The following SETD1A variants were observed in gnomAD, a reference collection of about 807,000 sequenced individuals.
SETD1A encodes the protein SET domain containing 1A, histone lysine methyltransferase.
SETD1A carries 29 observed loss-of-function variants against 149.9 expected under a neutral mutation model. That is an observed-to-expected ratio of 0.19 (90% CI 0.14 to 0.26). The LOEUF is 0.26. SETD1A is among the 10% of genes least tolerant of loss of function. The probability of loss-of-function intolerance (pLI) is 1.00; values close to 1 mark genes in which losing one functional copy is unlikely to be tolerated. For synonymous variants in SETD1A, 1,141 were observed against 968.5 expected (o/e 1.18, Z -3.31); for missense variants, 2,109 against 2,353.1 (o/e 0.90, Z 2.15).
At chr16:30,969,070 T>C (rs1030226451) in intron 10 of SETD1A, among the ~76,000 whole-genome samples, 10 of 152,174 alleles carry the variant, frequency 6.6e-5, no homozygotes, top group Non-Finnish European at 1.0e-4. Flanking sequence ...GTCATGCCAC[T>C]GCACCCCAGC....
chr16:30,982,937 G>T (rs957698448), intron 17 of SETD1A, among the ~76,000 whole-genome samples: 9 of 152,174 alleles, frequency 5.9e-5, no homozygotes, highest in African/African-American at 2.2e-4. Flanking sequence ...ACAAATATAT[G>T]GTCAAGATGA....
At chr16:30,972,741 C>T (rs2056240711) in intron 13 of SETD1A, among the ~76,000 whole-genome samples, 1 of 151,294 alleles carries the variant, frequency 6.6e-6, no homozygotes, top group African/African-American at 2.4e-5. Context: ...GTGATCCCAG[C>T]TGCTCGGGAG....
Position 30,961,618 on chromosome 16 carries a change from C to T in SETD1A, c.517+81C>T, listed in dbSNP as rs768433252. ...CAAATGCCTGTCAGGGTCAGGCAGGCGCCCAGGGTCATGATCTGAAACTGC... is the reference window on the plus strand; with the variant it reads ...CAAATGCCTGTCAGGGTCAGGCAGGTGCCCAGGGTCATGATCTGAAACTGC... On this transcript the variant is annotated intron_variant, in intron 4 of 18. Coordinates refer to ENST00000262519, the MANE Select transcript of SETD1A (RefSeq NM_014712.3). The surrounding 1 kb of genome is among the most constrained non-coding windows in gnomAD (Gnocchi z 4.0). 29 of 1,353,366 alleles carry T rather than the reference C, an allele frequency of 2.1e-5. No homozygotes were observed. The Admixed American group carries it at 3.2e-4, about 15-fold the overall frequency. The allele number at this position is 1,353,366 out of a possible 1,614,324, so 83.8% of individuals were successfully genotyped here. A position where few individuals can be genotyped will look rare whatever the true frequency, so the allele number is the denominator to read the frequency against.
At position 30,971,554 on chromosome 16, in the gene SETD1A, G is replaced by A; in HGVS notation, c.3193G>A (p.Glu1065Lys). The change falls in exon 13 of 19, where the codon GAA (glutamate) becomes AAA (lysine). Residue 1065 changes from glutamate (E) to lysine (K), a missense_variant. Coordinates refer to ENST00000262519, the MANE Select transcript of SETD1A (RefSeq NM_014712.3). ...SSSSESSSED[E>K]EEEERPAALP... Reference sequence around the variant, plus strand: ...ATCCTCTGAGTCCTCCTCTGAAGATGAAGAGGAAGAGGAGCGGCCAGCAGC... The same window carrying A: ...ATCCTCTGAGTCCTCCTCTGAAGATAAAGAGGAAGAGGAGCGGCCAGCAGC... 1 of 1,613,828 alleles carries A rather than the reference G, an allele frequency of 6.2e-7. No individual in the cohort carries two copies.
At position 30,959,137 on chromosome 16, in the gene SETD1A, A is replaced by G. The variant is rs773671989; in HGVS notation, c.197A>G (p.His66Arg). Reference sequence around the variant, plus strand: ...GAAGACCTCCAAGACCCCCGTTGCCATGTCAGGTCCAAAAACAGAGACTTT... The same window carrying G: ...GAAGACCTCCAAGACCCCCGTTGCCGTGTCAGGTCCAAAAACAGAGACTTT... ...PVEDLQDPRCHVRSKNRDFSL... is the reference protein window; with the variant it reads ...PVEDLQDPRCRVRSKNRDFSL... The change falls in exon 3 of 19, where the codon CAT becomes CGT. Residue 66 changes from histidine (H) to arginine (R), a missense_variant. Physicochemically the swap from His to Arg is conservative, Grantham distance 29 (BLOSUM62 0). Coordinates refer to ENST00000262519, the MANE Select transcript of SETD1A (RefSeq NM_014712.3). The G allele has an allele frequency of 5.0e-6, 8 of 1,613,820 alleles. No homozygotes were observed. Among genetic ancestry groups the G allele is most frequent in the Non-Finnish European group, 5.9e-6 (7 of 1,179,856 alleles).
At chr16:30,970,758 GT>G (rs970916436) in intron 12 of SETD1A, among the ~76,000 whole-genome samples, 2 of 152,136 alleles carry the variant, frequency 1.3e-5, no homozygotes, top group Non-Finnish European at 2.9e-5. Flanking sequence ...ACCATGGGCC[GT>G]TTATCTCCTG....
rs199650605 is a variant in SETD1A at position 30,969,479 on chromosome 16, C to T, written c.2928+17C>T. On this transcript the variant is annotated intron_variant, in intron 11 of 18. Transcript: ENST00000262519. ...TCGGAGAAGGTGAGGGCCCGGGCGC[C>T]GGCTCCTGGCCGAAGCCTACTTCCC... 1.1e-5 allele frequency: 17 copies of T among 1,601,676 alleles called. No homozygotes were observed. Among genetic ancestry groups the T allele is most frequent in the East Asian group, 4.5e-5 (2 of 44,372 alleles).
chr16:30,959,610 A>T (rs909266259), intron 3 of SETD1A, among the ~76,000 whole-genome samples: 6 of 151,574 alleles, frequency 4.0e-5, no homozygotes, highest in African/African-American at 1.2e-4. Flanking sequence ...TCCTTCGAGG[A>T]CTCCTATTCT....
chr16:30,965,867 C>T lies in SETD1A; in HGVS notation c.1986C>T (p.Ser662=). Residue 662 remains serine (S), a synonymous_variant, in exon 8 of 19, where the codon TCC becomes TCT. Coordinates refer to ENST00000262519, the MANE Select transcript of SETD1A (RefSeq NM_014712.3). The part of the protein sequence containing the change: ...PPPHIYDFVN[S]LELMDRLGAQ... Reference sequence around the variant, plus strand: ...CGCACATCTATGACTTTGTGAACTCCTTGGAGCTCATGGACCGACTTGGGG... The same window carrying T: ...CGCACATCTATGACTTTGTGAACTCTTTGGAGCTCATGGACCGACTTGGGG... 1.2e-6 allele frequency: 2 copies of T among 1,612,668 alleles called. No homozygotes were observed. Among genetic ancestry groups the T allele is most frequent in the Non-Finnish European group, 1.7e-6 (2 of 1,179,420 alleles).
chr16:30,965,868 TTGGAGCTCA>T lies in SETD1A; in HGVS notation c.1992_2000del (p.Glu664_Met666del), dbSNP rs2056136355. The T allele has an allele frequency of 6.3e-7, 1 of 1,599,226 alleles. No individual in the cohort carries two copies. Among genetic ancestry groups the T allele is most frequent in the African/African-American group, 1.4e-5 (1 of 72,330 alleles). On this transcript the variant is annotated inframe_deletion, in exon 8 of 19. Coordinates refer to ENST00000262519, the MANE Select transcript of SETD1A (RefSeq NM_014712.3). ...GCACATCTATGACTTTGTGAACTCC[TTGGAGCTCA>T]TGGACCGACTTGGGGCTCAGTGGGG...
intron 12 of SETD1A, 92 bp downstream of exon 12, chr16:30,969,781 T>C: frequency 2.1e-6 from 2 of 974,584 alleles, no homozygotes; most frequent in Admixed American, 3.5e-5. Flanking sequence ...ACCTTCCTGC[T>C]GGGCTTGTGG....
Position 30,979,234 on chromosome 16 carries a change from C to T in SETD1A, c.3448C>T (p.Arg1150Cys), listed in dbSNP as rs780382210. ...GGCCCCTGCCCCACGCCCCGATGAG[C>T]GTCCCTCTTCTCCCATCCCCCTCCT... ...PPAPAPRPDE[R>C]PSSPIPLLPP... The change falls in exon 14 of 19, where the codon CGT becomes TGT. Residue 1150 changes from arginine (R) to cysteine (C), a missense_variant. Physicochemically the swap from Arg to Cys is radical, Grantham distance 180. Coordinates refer to ENST00000262519, the MANE Select transcript of SETD1A (RefSeq NM_014712.3). 1.1e-5 allele frequency: 18 copies of T among 1,594,396 alleles called. No homozygotes were observed. In the East Asian group the frequency reaches 1.4e-4, roughly 12 times the overall value.
In SETD1A at chr16:30,983,175, G is replaced by T. The variant is rs1409004321; in HGVS notation, c.4813-460G>T. On this transcript the variant is annotated intron_variant, in intron 17 of 18. Transcript: ENST00000262519. The surrounding 1 kb of genome is among the most constrained non-coding windows in gnomAD (Gnocchi z 6.8). ...GGGTTGCTCCTCACACGGAGGTGCG[G>T]GGCCTGACATGGGCGGCCTGCCATT... Among the ~76,000 whole-genome samples the T allele has an allele frequency of 6.6e-6, 1 of 152,184 alleles. No homozygotes were observed. The highest frequency in any genetic ancestry group is 1.5e-5 in the Non-Finnish European group (1 of 68,032).
At position 30,969,383 on chromosome 16, in the gene SETD1A, A is replaced by T. The variant is rs1287723488; in HGVS notation, c.2849A>T (p.Lys950Met). 6.2e-7 allele frequency: 1 copy of T among 1,614,210 alleles called. No homozygotes were observed. The highest frequency in any genetic ancestry group is 8.5e-7 in the Non-Finnish European group (1 of 1,180,026). ...CCGAAGCGGGACGAAGAGCGAGGCA[A>T]GACCCAGGGCAAGCACCGCAAGTCC... is the stretch of plus-strand genomic sequence containing the variant. The part of the protein sequence containing the change: ...KPPKRDEERG[K>M]TQGKHRKSFA... Residue 950 changes from lysine to methionine, a missense_variant, in exon 11 of 19, where the codon AAG becomes ATG. By Grantham distance (95) the Lys-to-Met change is moderately conservative. Around this residue, in one of 8 missense-constraint regions of SETD1A, gnomAD observed 832 missense variants for 815.6 expected, o/e 1.02. Transcript: ENST00000262519.
At chr16:30,977,372 C>T (rs776756362) in intron 13 of SETD1A, among the ~76,000 whole-genome samples, 1 of 152,200 alleles carries the variant, frequency 6.6e-6, no homozygotes, top group African/African-American at 2.4e-5. Flanking sequence ...TCTGGGGCCT[C>T]GCCCCATGGA....
chr16:30,979,403 C>T lies in SETD1A; in HGVS notation c.3617C>T (p.Thr1206Ile), dbSNP rs2056332334. The T allele has an allele frequency of 6.2e-7, 1 of 1,611,650 alleles. No individual in the cohort carries two copies. The highest frequency in any genetic ancestry group is 8.5e-7 in the Non-Finnish European group (1 of 1,179,162). ...SRKAPRGVERTIRNLPLDHAS... is the reference protein window; with the variant it reads ...SRKAPRGVERIIRNLPLDHAS... The stretch of plus-strand genomic sequence containing the variant: ...AAGGCTCCCCGGGGCGTGGAGCGGA[C>T]CATCCGCAACCTGCCCCTGGACCAC... Residue 1206 changes from threonine to isoleucine, a missense_variant, in exon 14 of 19, where the codon ACC becomes ATC. By Grantham distance (89) the Thr-to-Ile change is moderately conservative (BLOSUM62 -1). Around this residue, in one of 8 missense-constraint regions of SETD1A, gnomAD observed 832 missense variants for 815.6 expected, o/e 1.02. Transcript: ENST00000262519.
chr16:30,963,644 C>A, intron 5 of SETD1A, 90 bp downstream of exon 5: 1 of 1,390,648 alleles, frequency 7.2e-7, no homozygotes, highest in Non-Finnish European at 9.6e-7. Flanking sequence ...AGGTTCCGGG[C>A]TTTCCCGTTA....
rs2143492138 is a variant in SETD1A, at chr16:30,965,011, G to C, written c.1269G>C (p.Gln423His). The C allele has an allele frequency of 6.2e-7, 1 of 1,613,594 alleles. No homozygotes were observed. Among genetic ancestry groups the C allele is most frequent in the South Asian group, 1.1e-5 (1 of 91,062 alleles). Reference protein sequence around the residue: ...LPPEPSRPTDQDYRPPASEAP... With the variant: ...LPPEPSRPTDHDYRPPASEAP... ...CCGAGCCCAGCCGGCCCACCGACCAGGACTACCGGCCTCCTGCCTCAGAGG... is the reference window on the plus strand; with the variant it reads ...CCGAGCCCAGCCGGCCCACCGACCACGACTACCGGCCTCCTGCCTCAGAGG... Residue 423 changes from glutamine to histidine, a missense_variant, in exon 7 of 19, where the codon CAG (glutamine) becomes CAC (histidine). Coordinates refer to ENST00000262519, the MANE Select transcript of SETD1A (RefSeq NM_014712.3).
intron 13 of SETD1A, 110 bp from the exon 14 acceptor site, chr16:30,979,035 G>C: frequency 8.8e-7 from 1 of 1,130,824 alleles, no homozygotes; most frequent in Non-Finnish European, 1.2e-6. Context: ...TCCCTCCGGG[G>C]TTCCTGGGCG....
Sources: gnomAD v4.1 joint callset for allele counts (sites outside exome capture counted in the v4.1 genomes callset) on GRCh38, gnomAD v4.1.1 for gene constraint, gnomAD v4.1.1 regional missense constraint, Gnocchi (gnomAD v3.1) non-coding constraint, MANE v1.5 for transcripts, NCBI Gene and HGNC (gene_info 2026-07-23, HGNC 2026-07-21) for gene names.